The following RSPH14 variants were observed in gnomAD, a reference collection of about 807,000 sequenced individuals.
RSPH14 encodes the protein rhabdoid tumor deletion region gene 1.
A neutral mutation model predicts 26.7 loss-of-function variants in RSPH14; 20 were observed. That is an observed-to-expected ratio of 0.75 (90% CI 0.53 to 1.09). The LOEUF (loss-of-function observed/expected upper bound fraction) is 1.09, where lower values mean the gene tolerates loss of function less well. Among genes scored for constraint, RSPH14 ranks in the 50% least tolerant of loss-of-function variants. The pLI is 0.00. For synonymous variants in RSPH14, 177 were observed against 189.3 expected (o/e 0.93, Z 0.53); for missense variants, 449 against 457.2 (o/e 0.98, Z 0.16).
chr22:23,064,083 G>A lies in RSPH14; in HGVS notation c.472C>T (p.Leu158=). 3.7e-6 allele frequency: 6 copies of A among 1,614,180 alleles called. No individual in the cohort carries two copies. The highest frequency in any genetic ancestry group is 5.1e-6 in the Non-Finnish European group (6 of 1,180,024). The change falls in exon 5 of 7, where the codon CTG becomes TTG. Residue 158 remains leucine (L), a synonymous_variant. Coordinates refer to ENST00000216036, the MANE Select transcript of RSPH14 (RefSeq NM_014433.3). ...KGLISSLVWK[L]QVEVEEEEFQ... The stretch of plus-strand genomic sequence containing the variant: ...TCCTCCTCCTCCACCTCCACCTGCA[G>A]CTTCCATACCAGTGAGGAAATCAGA...
chr22:23,075,700 C>A (rs2068490764), intron 4 of RSPH14, among the ~76,000 whole-genome samples: 1 of 152,202 alleles, frequency 6.6e-6, no homozygotes, highest in Non-Finnish European at 1.5e-5. Flanking sequence ...CTTCTAGCAG[C>A]CTCCAACCAG....
intron 4 of RSPH14, among the ~76,000 whole-genome samples, chr22:23,101,946 C>G (rs1414345286): frequency 6.6e-6 from 1 of 152,226 alleles, no homozygotes; most frequent in African/African-American, 2.4e-5. Flanking sequence ...CCGCATCCCT[C>G]TCTAAGCTTG....
chr22:23,066,602 T>C (rs2068216705), intron 4 of RSPH14, among the ~76,000 whole-genome samples: 1 of 152,234 alleles, frequency 6.6e-6, no homozygotes, highest in Non-Finnish European at 1.5e-5. Flanking sequence ...TTCACTTTGC[T>C]TCTTTTCAGC....
chr22:23,153,066 G>A, the RSPH14 span: 1 of 1,614,126 alleles, frequency 6.2e-7, no homozygotes, highest in Admixed American at 1.7e-5. Context: ...GAGACTACAA[G>A]GCCACCATTG....
intron 4 of RSPH14, among the ~76,000 whole-genome samples, chr22:23,126,425 G>C (rs2070183287): frequency 6.6e-6 from 1 of 152,142 alleles, no homozygotes; most frequent in Non-Finnish European, 1.5e-5. Context: ...TGATCCCTTT[G>C]CCTAGCATGT....
intron 4 of RSPH14, among the ~76,000 whole-genome samples, chr22:23,067,069 T>C (rs934847541): frequency 6.6e-6 from 1 of 151,996 alleles, no homozygotes; most frequent in Non-Finnish European, 1.5e-5. Flanking sequence ...CTCAAATGTA[T>C]GTGTTTGTGG....
chr22:23,069,786 G>A (rs1188748117), intron 4 of RSPH14, among the ~76,000 whole-genome samples: 3 of 152,116 alleles, frequency 2.0e-5, no homozygotes, highest in Non-Finnish European at 2.9e-5. Flanking sequence ...AAATCGTTAG[G>A]GTTTGCATAG....
intron 4 of RSPH14, among the ~76,000 whole-genome samples, chr22:23,117,894 T>A (rs1168915711): frequency 6.6e-6 from 1 of 152,106 alleles, no homozygotes; most frequent in East Asian, 1.9e-4. Flanking sequence ...CCCCCACAAC[T>A]AACCAGGCGC....
At chr22:23,118,542 C>G (rs906151821) in intron 4 of RSPH14, among the ~76,000 whole-genome samples, 1 of 146,216 alleles carries the variant, frequency 6.8e-6, no homozygotes, top group African/African-American at 2.5e-5. Flanking sequence ...CTTGCCAGAA[C>G]AGGACACTGT....
chr22:23,144,084 C>A (rs1380906763), upstream of RSPH14, among the ~76,000 whole-genome samples: 1 of 114,448 alleles, frequency 8.7e-6, no homozygotes, highest in Non-Finnish European at 1.6e-5. Context: ...CAGAGTGAGA[C>A]TCCATCTCAA....
intron 4 of RSPH14, among the ~76,000 whole-genome samples, chr22:23,121,390 G>A (rs2070020205): frequency 6.6e-6 from 1 of 152,216 alleles, no homozygotes; most frequent in Non-Finnish European, 1.5e-5. Context: ...GCTCTGGAGA[G>A]CAGGGTTTCT....
rs745403027 is a variant in RSPH14 at position 23,071,416 on chromosome 22, G to A, written c.422-7283C>T. On this transcript the variant is annotated intron_variant, in intron 4 of 6. Coordinates refer to ENST00000216036, the MANE Select transcript of RSPH14 (RefSeq NM_014433.3). This position sits in a 1 kb window ranked among gnomAD's most constrained non-coding sequence, Gnocchi z 4.1. ...ACCAGCGTTCCGCGTAGTCCGTGTT[G>A]GGGTGGAGGGACCCGCCTGGTAGAG... 6.6e-6 allele frequency among the ~76,000 whole-genome samples: 1 copy of A among 152,204 alleles called. No homozygotes were observed. The highest frequency in any genetic ancestry group is 1.5e-5 in the Non-Finnish European group (1 of 68,032).
intron 4 of RSPH14, chr22:23,070,362 G>GCGGCGGA (rs1424565475): frequency 2.8e-5 from 4 of 143,224 alleles, no homozygotes; most frequent in South Asian, 4.1e-4. Flanking sequence ...CTGGCGGCGG[G>GCGGCGGA]CGGCGGGCGG....
intron 4 of RSPH14, among the ~76,000 whole-genome samples, chr22:23,090,489 C>T (rs1373412652): frequency 1.3e-5 from 2 of 152,174 alleles, no homozygotes; most frequent in Non-Finnish European, 2.9e-5. Flanking sequence ...TCACACAGGG[C>T]AGGTCATGGC....
At chr22:23,179,035 C>CAGAG in the RSPH14 span, among the ~76,000 whole-genome samples, 1 of 152,172 alleles carries the variant, frequency 6.6e-6, no homozygotes, top group Non-Finnish European at 1.5e-5. Flanking sequence ...AACTGAGGCT[C>CAGAG]AGAGAGGCTG....
intron 4 of RSPH14, among the ~76,000 whole-genome samples, chr22:23,076,752 C>T (rs1257156415): frequency 6.6e-6 from 1 of 152,160 alleles, no homozygotes; most frequent in Non-Finnish European, 1.5e-5. Flanking sequence ...GAGCCAAGAC[C>T]CTGAAGGTAG....
intron 6 of RSPH14, 120 bp downstream of exon 6, chr22:23,061,689 T>G (rs538923566): frequency 3.0e-6 from 4 of 1,330,972 alleles, no homozygotes; most frequent in South Asian, 1.5e-5. Flanking sequence ...GGGGAGGTTT[T>G]TTTTTTTTTT....
upstream of RSPH14, chr22:23,142,124 G>A (rs1019340105): frequency 4.1e-5 from 31 of 753,432 alleles, no homozygotes; most frequent in African/African-American, 2.5e-4. Context: ...TGCAAAGCGG[G>A]AACAATCATT....
chr22:23,064,710 G>A (rs913126322), intron 4 of RSPH14, among the ~76,000 whole-genome samples: 3 of 152,176 alleles, frequency 2.0e-5, no homozygotes, highest in African/African-American at 7.2e-5. Flanking sequence ...TAAAGGTGAC[G>A]GGAAGCCATA....
Sources: gnomAD v4.1 joint callset for allele counts (sites outside exome capture counted in the v4.1 genomes callset) on GRCh38, gnomAD v4.1.1 for gene constraint, Gnocchi (gnomAD v3.1) non-coding constraint, MANE v1.5 for transcripts, NCBI Gene and HGNC (gene_info 2026-07-23, HGNC 2026-07-21) for gene names.